Variants in MAGI2 observed in about 807,000 individuals in gnomAD.
MAGI2 encodes membrane associated guanylate kinase, WW and PDZ domain containing 2.
A neutral mutation model predicts 133.3 loss-of-function variants in MAGI2; 35 were observed. That is an observed-to-expected ratio of 0.26 (90% confidence interval 0.20 to 0.35). MAGI2 has a LOEUF of 0.35. Among genes scored for constraint, MAGI2 ranks in the 10% least tolerant of loss-of-function variants. The pLI, the probability that MAGI2 is intolerant of heterozygous loss-of-function variation, is 1.00. For synonymous variants in MAGI2, 729 were observed against 710.6 expected (o/e 1.03, Z -0.41); for missense variants, 1,636 against 1,863.4 (o/e 0.88, Z 2.25).
chr7:78,812,456 T>C (rs1446871645), intron 2 of MAGI2, among the ~76,000 whole-genome samples: 1 of 152,178 alleles, frequency 6.6e-6, no homozygotes, highest in Non-Finnish European at 1.5e-5. Context: ...TTCTGGCATA[T>C]TTAGCAGGTA....
intron 9 of MAGI2, among the ~76,000 whole-genome samples, chr7:78,296,679 A>G (rs888191793): frequency 6.6e-6 from 1 of 152,126 alleles, no homozygotes; most frequent in Non-Finnish European, 1.5e-5. Flanking sequence ...CCTTTTCTCC[A>G]CAGCATCCTT....
At chr7:79,139,809 T>C (rs1451555353) in intron 1 of MAGI2, 1 of 152,176 alleles carries the variant, frequency 6.6e-6, no homozygotes, top group Admixed American at 6.5e-5. Flanking sequence ...AAAACCATAA[T>C]GTGGAGCCTA....
chr7:78,875,256 A>AG (rs1795328821), intron 2 of MAGI2, among the ~76,000 whole-genome samples: 1 of 152,200 alleles, frequency 6.6e-6, no homozygotes, highest in South Asian at 2.1e-4. Flanking sequence ...TCCTTTATTG[A>AG]TTGGGTGCAT....
At chr7:79,094,055 T>C (rs1003432255) in intron 1 of MAGI2, among the ~76,000 whole-genome samples, 5 of 152,178 alleles carry the variant, frequency 3.3e-5, no homozygotes, top group African/African-American at 4.8e-5. Flanking sequence ...AGCATATCAA[T>C]GGACTCTTTC....
At chr7:78,603,650 G>A (rs1011084093) in intron 3 of MAGI2, among the ~76,000 whole-genome samples, 16 of 152,130 alleles carry the variant, frequency 1.1e-4, no homozygotes, top group Non-Finnish European at 2.2e-4. Flanking sequence ...AGTCTCCTGA[G>A]TAGCTGGATT....
intron 9 of MAGI2, among the ~76,000 whole-genome samples, chr7:78,278,715 AAAATT>A (rs1795280619): frequency 6.6e-6 from 1 of 152,196 alleles, no homozygotes; most frequent in Admixed American, 6.5e-5. Flanking sequence ...CCTTAAGAAT[AAAATT>A]GAGGTTTCCC....
intron 3 of MAGI2, among the ~76,000 whole-genome samples, chr7:78,579,391 A>G (rs932964331): frequency 2.6e-5 from 4 of 152,200 alleles, no homozygotes; most frequent in Non-Finnish European, 5.9e-5. Flanking sequence ...GCTGAAGACA[A>G]ACAAGAAGCA....
intron 1 of MAGI2, among the ~76,000 whole-genome samples, chr7:79,105,592 T>C (rs1443187919): frequency 6.6e-6 from 1 of 152,184 alleles, no homozygotes; most frequent in African/African-American, 2.4e-5. Context: ...CCTACTTGCT[T>C]CTCAGCTGCC....
At chr7:78,462,273 G>T (rs190321973) in intron 6 of MAGI2, among the ~76,000 whole-genome samples, 39 of 152,200 alleles carry the variant, frequency 2.6e-4, no homozygotes, top group African/African-American at 9.1e-4. Flanking sequence ...ACAAAAACCA[G>T]TATACAAATT....
At chr7:79,419,350 A>G (rs1272887493) in intron 1 of MAGI2, among the ~76,000 whole-genome samples, 8 of 152,084 alleles carry the variant, frequency 5.3e-5, no homozygotes, top group Admixed American at 5.2e-4. Flanking sequence ...ACCATTTACC[A>G]ATACTATTTT....
chr7:78,440,333 T>C (rs982910091), intron 6 of MAGI2, among the ~76,000 whole-genome samples: 1 of 152,142 alleles, frequency 6.6e-6, no homozygotes, highest in Non-Finnish European at 1.5e-5. Context: ...GCTGATGAAG[T>C]GTGCTGTAGA....
intron 1 of MAGI2, among the ~76,000 whole-genome samples, chr7:79,306,574 C>G (rs931675803): frequency 6.6e-6 from 1 of 152,040 alleles, no homozygotes; most frequent in African/African-American, 2.4e-5. Flanking sequence ...GAATTTGTCT[C>G]TGTTGAACTT....
intron 2 of MAGI2, among the ~76,000 whole-genome samples, chr7:78,944,159 C>T (rs991051028): frequency 6.6e-6 from 1 of 152,140 alleles, no homozygotes; most frequent in African/African-American, 2.4e-5. Context: ...ACTTTCATCT[C>T]TGCTCTGCCT....
At chr7:78,247,366 C>T (rs1447815350) in intron 10 of MAGI2, among the ~76,000 whole-genome samples, 1 of 152,094 alleles carries the variant, frequency 6.6e-6, no homozygotes, top group Non-Finnish European at 1.5e-5. Context: ...ACATCTTTTT[C>T]AGCCGGCATA....
At chr7:79,356,784 C>T (rs1400697714) in intron 1 of MAGI2, among the ~76,000 whole-genome samples, 1 of 152,104 alleles carries the variant, frequency 6.6e-6, no homozygotes, top group South Asian at 2.1e-4. Context: ...CACAGCATGA[C>T]TGAATATAGG....
chr7:78,215,791 G>C (rs566198356), intron 10 of MAGI2, among the ~76,000 whole-genome samples: 7 of 152,290 alleles, frequency 4.6e-5, no homozygotes, highest in African/African-American at 1.7e-4. Flanking sequence ...TTAATGAGTT[G>C]AGTGAACATA....
chr7:78,944,364 C>T (rs1002604428), intron 2 of MAGI2, among the ~76,000 whole-genome samples: 1 of 152,070 alleles, frequency 6.6e-6, no homozygotes, highest in Non-Finnish European at 1.5e-5. Context: ...TCATCTTTTC[C>T]CCCAAGTTTT....
intron 2 of MAGI2, among the ~76,000 whole-genome samples, chr7:78,948,986 A>G (rs1801654560): frequency 2.0e-5 from 3 of 152,132 alleles, no homozygotes; most frequent in African/African-American, 4.8e-5. Context: ...AATTATAGCA[A>G]TCAGTCACAA....
intron 1 of MAGI2, among the ~76,000 whole-genome samples, chr7:79,158,948 T>A (rs1824081396): frequency 6.6e-6 from 1 of 152,078 alleles, no homozygotes; most frequent in East Asian, 1.9e-4. Flanking sequence ...TAATTCAAAG[T>A]TTATTTAAGG....
Sources: allele counts gnomAD v4.1 joint callset (sites outside exome capture counted in the v4.1 genomes callset), GRCh38; gene constraint gnomAD v4.1.1; transcripts MANE v1.5; gene names NCBI Gene and HGNC (gene_info 2026-07-23, HGNC 2026-07-21).